ETNK2: variants seen among roughly 807,000 people sequenced by gnomAD.
The protein encoded by ETNK2 is ethanolamine kinase-like protein.
Under a neutral mutation model 46.2 loss-of-function variants are expected in ETNK2, and 33 were observed. The ratio of observed to expected loss-of-function variants is 0.71; its 90% CI spans 0.54 to 0.96. ETNK2 has a LOEUF of 0.96. Among genes scored for constraint, ETNK2 ranks in the 40% least tolerant of loss-of-function variants. The pLI is 0.00. For missense variants in ETNK2, 445 were observed against 509.7 expected, an observed-to-expected ratio of 0.87 and a Z score of 1.22; for synonymous variants, 194 against 209.0, an observed-to-expected ratio of 0.93 and a Z score of 0.62.
intron 7 of ETNK2, 125 bp downstream of exon 7, chr1:204,134,390 G>A: frequency 9.4e-7 from 1 of 1,068,962 alleles, no homozygotes; most frequent in Non-Finnish European, 1.3e-6. Flanking sequence ...AGCTGGAACG[G>A]GGGCGAGTCA....
chr1:204,142,267 G>A (rs1156900696), intron 3 of ETNK2: 5 of 152,218 alleles, frequency 3.3e-5, no homozygotes, highest in Non-Finnish European at 7.3e-5. Flanking sequence ...ATGAGTAAGT[G>A]TTCCCTTGTC....
In ETNK2 at chr1:204,149,881, A is replaced by G; in HGVS notation, c.340T>C (p.Tyr114His). Reference protein sequence around the residue: ...DMQDCVLVRVYGERTELLVDR... With the variant: ...DMQDCVLVRVHGERTELLVDR... ...ACCAGCAGCTCCGTCCGCTCCCCAT[A>G]CACCCGGACCAGCACGCAGTCCTGC... The change falls in exon 2 of 8, where the codon TAT becomes CAT. Residue 114 changes from tyrosine (Y) to histidine (H), a missense_variant. Transcript: ENST00000367202. 2.5e-6 allele frequency: 4 copies of G among 1,589,924 alleles called. No homozygotes were observed. Among genetic ancestry groups the G allele is most frequent in the Non-Finnish European group, 3.4e-6 (4 of 1,168,694 alleles).
chr1:204,144,345 C>CAAAAAAAAAA (rs141761706), intron 3 of ETNK2, among the ~76,000 whole-genome samples: 7 of 33,340 alleles, frequency 2.1e-4, no homozygotes, highest in African/African-American at 7.1e-4. Context: ...GAATCCATCT[C>CAAAAAAAAAA]AAAAAAAAAA....
chr1:204,147,017 C>T, intron 2 of ETNK2: 1 of 615,720 alleles, frequency 1.6e-6, no homozygotes, highest in Admixed American at 2.1e-5. Context: ...CCTCAGGGAG[C>T]AGAAGGGCAG....
chr1:204,149,369 T>A (rs1410209785), intron 2 of ETNK2, among the ~76,000 whole-genome samples: 1 of 152,158 alleles, frequency 6.6e-6, no homozygotes, highest in Non-Finnish European at 1.5e-5. Flanking sequence ...AGATTTCATT[T>A]CTAAGGCTCT....
At position 204,151,531 on chromosome 1, in the gene ETNK2, G is replaced by A. The variant is rs1312018385; in HGVS notation, c.258+64C>T. 6.5e-7 allele frequency: 1 copy of A among 1,540,790 alleles called. No individual in the cohort carries two copies. ...ACACCCGGAAGGATGCGAGGACTGG[G>A]TCCCCGCATCCCCCTGGCAGCCCTG... is the stretch of plus-strand genomic sequence containing the variant. On this transcript the variant is annotated intron_variant, in intron 1 of 7. Transcript: ENST00000367202. This position sits in a 1 kb window ranked among gnomAD's most constrained non-coding sequence, Gnocchi z 8.0.
intron 3 of ETNK2, among the ~76,000 whole-genome samples, chr1:204,145,304 A>G (rs2102298344): frequency 6.6e-6 from 1 of 152,368 alleles, no homozygotes; most frequent in East Asian, 1.9e-4. Flanking sequence ...CAGTGACAGC[A>G]CAGTCAAAGG....
chr1:204,146,080 G>C (rs1017407408), intron 3 of ETNK2, among the ~76,000 whole-genome samples: 1 of 152,214 alleles, frequency 6.6e-6, no homozygotes, highest in Non-Finnish European at 1.5e-5. Flanking sequence ...GTCAGAGCAA[G>C]GTGGGGGCAG....
At chr1:204,149,056 C>T (rs1195875191) in intron 2 of ETNK2, among the ~76,000 whole-genome samples, 5 of 152,158 alleles carry the variant, frequency 3.3e-5, no homozygotes, top group African/African-American at 1.2e-4. Context: ...TCCCCCTTTC[C>T]AGGCTCCACA....
chr1:204,141,183 C>T (rs1657512141), intron 4 of ETNK2, 132 bp downstream of exon 4: 2 of 1,137,608 alleles, frequency 1.8e-6, no homozygotes, highest in Non-Finnish European at 2.6e-6. Flanking sequence ...TTCCCTCCTA[C>T]AAATTAACTT....
rs1363606059 is a variant in ETNK2 at position 204,143,801 on chromosome 1, C to T, written c.642-2344G>A. On this transcript the variant is annotated intron_variant, in intron 3 of 7. Coordinates refer to ENST00000367202, the MANE Select transcript of ETNK2 (RefSeq NM_018208.4). ...ACTGGTTTCACACTTTGCCCTCCCA[C>T]CAACCCACCCACCAGTATCTCCTTG... 2.0e-5 allele frequency among the ~76,000 whole-genome samples: 3 copies of T among 152,194 alleles called. No homozygotes were observed. In the South Asian group the frequency reaches 6.2e-4, roughly 32 times the overall value.
intron 2 of ETNK2, among the ~76,000 whole-genome samples, chr1:204,147,964 A>C (rs1657857119): frequency 6.6e-6 from 1 of 152,214 alleles, no homozygotes; most frequent in Non-Finnish European, 1.5e-5. Context: ...TCCCTTCCCA[A>C]AGGAAGATTC....
chr1:204,148,918 T>A (rs760122429), intron 2 of ETNK2, among the ~76,000 whole-genome samples: 20 of 152,196 alleles, frequency 1.3e-4, no homozygotes, highest in Non-Finnish European at 4.4e-5. Context: ...TCAGCCTGCC[T>A]TGGGCCTCAC....
chr1:204,146,655 C>G lies in ETNK2; in HGVS notation c.628G>C (p.Glu210Gln), dbSNP rs768590671. ...AGATCTTTGTACCTGGGGTTGATCT[C>G]GTTCTTCACAAGCGTGAAATAATTG... ...MHNYFTLVKN[E>Q]INPSLSADVP... The change falls in exon 3 of 8, where the codon GAG becomes CAG. Residue 210 changes from glutamate (E) to glutamine (Q), a missense_variant. Coordinates refer to ENST00000367202, the MANE Select transcript of ETNK2 (RefSeq NM_018208.4). 2 of 1,614,014 alleles carry G rather than the reference C, an allele frequency of 1.2e-6. No individual in the cohort carries two copies. Among genetic ancestry groups the G allele is most frequent in the Non-Finnish European group, 8.5e-7 (1 of 1,179,890 alleles).
At chr1:204,146,865 C>A in intron 2 of ETNK2, 101 bp from the exon 3 acceptor site, 1 of 1,494,030 alleles carries the variant, frequency 6.7e-7, no homozygotes, top group Middle Eastern at 1.7e-4. Flanking sequence ...CCCACCAGGG[C>A]ACTTGCCAGA....
chr1:204,148,788 C>T (rs1439474846), intron 2 of ETNK2, among the ~76,000 whole-genome samples: 1 of 152,130 alleles, frequency 6.6e-6, no homozygotes, highest in Non-Finnish European at 1.5e-5. Flanking sequence ...CTTGCTCTAC[C>T]CCCAGGTGGG....
In ETNK2 at chr1:204,151,800, C is replaced by T. The variant is rs867076094; in HGVS notation, c.53G>A (p.Arg18Lys). The change falls in exon 1 of 8, where the codon AGG (arginine) becomes AAG (lysine). Residue 18 changes from arginine to lysine, a missense_variant. Arg to Lys is a conservative substitution (Grantham distance 26). Transcript: ENST00000367202. This position sits in a 1 kb window ranked among gnomAD's most constrained non-coding sequence, Gnocchi z 8.0. Reference sequence around the variant, plus strand: ...TGAGCACTGCGGGCAAGGCGTGTGCCTCCTCAGGTGAAAGGACGCGCGCGG... The same window carrying T: ...TGAGCACTGCGGGCAAGGCGTGTGCTTCCTCAGGTGAAAGGACGCGCGCGG... ...PQPRASFHLRRHTPCPQCSWG... is the reference protein window; with the variant it reads ...PQPRASFHLRKHTPCPQCSWG... 1 of 1,496,842 alleles carries T rather than the reference C, an allele frequency of 6.7e-7. No individual in the cohort carries two copies. Among genetic ancestry groups the T allele is most frequent in the Middle Eastern group, 1.7e-4 (1 of 5,740 alleles). 92.7% of individuals were successfully genotyped at this position (1,496,842 alleles called of 1,614,324 possible). A position where few individuals can be genotyped will look rare whatever the true frequency, so the allele number is the denominator to read the frequency against.
At chr1:204,146,614 A>G (rs1558237333) in intron 3 of ETNK2, 28 bp downstream of exon 3, 1 of 1,613,302 alleles carries the variant, frequency 6.2e-7, no homozygotes. Flanking sequence ...ATATTAAGGC[A>G]GCCTTGGACC....
chr1:204,138,450 G>A (rs959241779), intron 5 of ETNK2, among the ~76,000 whole-genome samples: 2 of 152,190 alleles, frequency 1.3e-5, no homozygotes, highest in Non-Finnish European at 2.9e-5. Context: ...TTGTGGAAAG[G>A]CCAGGGGGCC....
Sources: gnomAD v4.1 joint callset for allele counts (sites outside exome capture counted in the v4.1 genomes callset) on GRCh38, gnomAD v4.1.1 for gene constraint, Gnocchi (gnomAD v3.1) non-coding constraint, MANE v1.5 for transcripts, NCBI Gene and HGNC (gene_info 2026-07-23, HGNC 2026-07-21) for gene names.